CACNB2: variants seen among roughly 807,000 people sequenced by gnomAD.
CACNB2 encodes the protein calcium voltage-gated channel auxiliary subunit beta 2.
A neutral mutation model predicts 73.3 loss-of-function variants in CACNB2; 42 were observed. The ratio of observed to expected loss-of-function variants is 0.57; its 90% CI spans 0.45 to 0.74. The LOEUF is 0.74. Among genes scored for constraint, CACNB2 ranks in the 30% least tolerant of loss-of-function variants. The probability of loss-of-function intolerance (pLI) is 0.00; values close to 1 mark genes in which losing one functional copy is unlikely to be tolerated. For missense variants in CACNB2, 940 were observed against 853.0 expected (o/e 1.10, Z -1.27); for synonymous variants, 348 against 310.3 (o/e 1.12, Z -1.28).
chr10:18,161,837 G>A (rs1379072141), intron 2 of CACNB2, among the ~76,000 whole-genome samples: 2 of 152,070 alleles, frequency 1.3e-5, no homozygotes, highest in East Asian at 1.9e-4. Context: ...GGTGAGGCAT[G>A]AGAATCACTT....
intron 2 of CACNB2, among the ~76,000 whole-genome samples, chr10:18,165,245 C>T (rs997655292): frequency 2.6e-5 from 4 of 152,126 alleles, no homozygotes; most frequent in Admixed American, 6.5e-5. Flanking sequence ...ATGCGTCATC[C>T]GAGAGCTCAT....
rs1456302657 is a variant in CACNB2 at position 18,354,655 on chromosome 10, GGA to G, written c.214-47268_214-47267del. Among the ~76,000 whole-genome samples the G allele has an allele frequency of 6.6e-5, 10 of 152,200 alleles. No individual in the cohort carries two copies. The East Asian group carries it at 1.4e-3, about 21-fold the overall frequency. On this transcript the variant is annotated intron_variant, in intron 2 of 13. Transcript: ENST00000324631. The stretch of plus-strand genomic sequence containing the variant: ...TCTCAATTACAACTATAGGGATGGG[GGA>G]ACTATCTTTAGAGGAGTCTCAGGAC...
At chr10:18,325,903 C>T (rs972150138) in intron 2 of CACNB2, among the ~76,000 whole-genome samples, 2 of 151,986 alleles carry the variant, frequency 1.3e-5, no homozygotes, top group African/African-American at 2.4e-5. Flanking sequence ...CACCACCATG[C>T]TCAGCTCATT....
intron 2 of CACNB2, among the ~76,000 whole-genome samples, chr10:18,181,301 T>G (rs1199576541): frequency 6.6e-6 from 1 of 152,082 alleles, no homozygotes. Context: ...TAAGACATTC[T>G]CACAAATCAA....
intron 2 of CACNB2, among the ~76,000 whole-genome samples, chr10:18,362,205 A>G (rs2132226162): frequency 6.6e-6 from 1 of 152,276 alleles, no homozygotes; most frequent in East Asian, 1.9e-4. Context: ...CATACATCCT[A>G]TTCTTTTCAG....
intron 3 of CACNB2, among the ~76,000 whole-genome samples, chr10:18,429,818 A>C (rs1194390101): frequency 6.7e-6 from 1 of 149,834 alleles, no homozygotes; most frequent in Non-Finnish European, 1.5e-5. Context: ...GAAAAAAAAA[A>C]AAAAAAAACA....
intron 7 of CACNB2, among the ~76,000 whole-genome samples, chr10:18,516,147 G>A (rs1589630398): frequency 6.6e-6 from 1 of 152,036 alleles, no homozygotes; most frequent in African/African-American, 2.4e-5. Context: ...CCCGGAAGGC[G>A]GAGATTGCAG....
chr10:18,145,450 A>G (rs1022503145), intron 1 of CACNB2, among the ~76,000 whole-genome samples: 2 of 152,098 alleles, frequency 1.3e-5, no homozygotes, highest in Non-Finnish European at 2.9e-5. Context: ...AGAAATTTAC[A>G]GACATGCCAA....
chr10:18,398,573 A>C (rs186220394), intron 2 of CACNB2, among the ~76,000 whole-genome samples: 1 of 152,108 alleles, frequency 6.6e-6, no homozygotes, highest in Admixed American at 6.6e-5. Flanking sequence ...TGGGAGGCTG[A>C]AGCCGGAGGA....
At chr10:18,241,852 G>A (rs2036663054) in intron 2 of CACNB2, among the ~76,000 whole-genome samples, 2 of 151,996 alleles carry the variant, frequency 1.3e-5, no homozygotes, top group Non-Finnish European at 2.9e-5. Flanking sequence ...GTAAGTGTCA[G>A]CTAAAATGAG....
intron 2 of CACNB2, among the ~76,000 whole-genome samples, chr10:18,308,280 C>T (rs1381073624): frequency 6.6e-6 from 1 of 152,038 alleles, no homozygotes; most frequent in Non-Finnish European, 1.5e-5. Context: ...AGGCGTGAAC[C>T]ACCACGCCCA....
At position 18,534,063 on chromosome 10, in the gene CACNB2, T is replaced by C; in HGVS notation, c.1055-13T>C. ...AATACTGCACTTTAACTGAATTGTT[T>C]CGCCCTTTACAGCGGAAGTTCAGAG... is the stretch of plus-strand genomic sequence containing the variant. On this transcript the variant is annotated splice_polypyrimidine_tract_variant and intron_variant, in intron 10 of 13. Coordinates refer to ENST00000324631, the MANE Select transcript of CACNB2 (RefSeq NM_201596.3). The C allele has an allele frequency of 1.2e-6, 2 of 1,614,010 alleles. No homozygotes were observed. The highest frequency in any genetic ancestry group is 1.7e-6 in the Non-Finnish European group (2 of 1,179,860).
intron 2 of CACNB2, among the ~76,000 whole-genome samples, chr10:18,382,939 G>C (rs999324051): frequency 6.6e-6 from 1 of 152,132 alleles, no homozygotes; most frequent in Admixed American, 6.6e-5. Context: ...GGCATTTCTG[G>C]TTCTAGATCT....
At chr10:18,289,390 G>T (rs1445356626) in intron 2 of CACNB2, among the ~76,000 whole-genome samples, 1 of 148,400 alleles carries the variant, frequency 6.7e-6, no homozygotes, top group Non-Finnish European at 1.5e-5. Context: ...CGCCTCCCGG[G>T]TTCATGCCAT....
intron 2 of CACNB2, among the ~76,000 whole-genome samples, chr10:18,313,694 C>T (rs780333395): frequency 7.9e-5 from 12 of 152,194 alleles, no homozygotes; most frequent in Non-Finnish European, 1.5e-4. Context: ...GGAAAATATG[C>T]TCCACTAAAG....
chr10:18,186,958 G>A (rs934307713), intron 2 of CACNB2, among the ~76,000 whole-genome samples: 2 of 152,180 alleles, frequency 1.3e-5, no homozygotes, highest in African/African-American at 4.8e-5. Context: ...CTGCTTCCAT[G>A]GAGCTTATGG....
intron 2 of CACNB2, among the ~76,000 whole-genome samples, chr10:18,154,148 G>C (rs984283044): frequency 5.3e-5 from 8 of 151,870 alleles, no homozygotes; most frequent in Admixed American, 1.3e-4. Flanking sequence ...GTTATAAACA[G>C]TATATGATTT....
rs534554248 is a variant in CACNB2, at chr10:18,226,321, C to A, written c.213+75346C>A. Among the ~76,000 whole-genome samples the A allele has an allele frequency of 6.6e-5, 10 of 152,346 alleles. 1 individual carries two copies. In the South Asian group the frequency reaches 2.1e-3, roughly 32 times the overall value. On this transcript the variant is annotated intron_variant, in intron 2 of 13. Transcript: ENST00000324631. Reference sequence around the variant, plus strand: ...GGATTACAGGTGTGAGCCACCGCCCCCAGACGGATGGTTTTAAGTTTCTAT... The same window carrying A: ...GGATTACAGGTGTGAGCCACCGCCCACAGACGGATGGTTTTAAGTTTCTAT...
rs1190823838 is a variant in CACNB2, at chr10:18,401,957, G to T, written c.247G>T (p.Asp83Tyr). ...AGACTCCTACACTAGCCGTCCATCC[G>T]ATTCCGATGTATCTCTGGAGGAGGA... ...SADSYTSRPSDSDVSLEEDRE... is the reference protein window; with the variant it reads ...SADSYTSRPSYSDVSLEEDRE... The change falls in exon 3 of 14, where the codon GAT (aspartate) becomes TAT (tyrosine). Residue 83 changes from aspartate (D) to tyrosine (Y), a missense_variant. By Grantham distance (160) the Asp-to-Tyr change is radical (BLOSUM62 -3). Transcript: ENST00000324631. 4.3e-6 allele frequency: 7 copies of T among 1,613,848 alleles called. No homozygotes were observed. In the Admixed American group the frequency reaches 1.2e-4, roughly 27 times the overall value.
Sources: allele counts gnomAD v4.1 joint callset (sites outside exome capture counted in the v4.1 genomes callset), GRCh38; gene constraint gnomAD v4.1.1; transcripts MANE v1.5; gene names NCBI Gene and HGNC (gene_info 2026-07-23, HGNC 2026-07-21).